ERC2: variants seen among roughly 807,000 people sequenced by gnomAD.
ERC2 encodes ERC protein 2.
In ERC2, 42 loss-of-function variants were observed where a neutral mutation model predicts 114.8. That is an observed-to-expected ratio of 0.37 (90% confidence interval 0.29 to 0.47). The LOEUF is 0.47. Ranked by LOEUF, ERC2 falls within the 20% of genes least tolerant of loss-of-function variation. The pLI is 0.99. For synonymous variants in ERC2, 454 were observed against 425.5 expected (o/e 1.07, Z -0.82); for missense variants, 939 against 1,150.7 (o/e 0.82, Z 2.66).
chr3:56,295,719 A>G (rs1653928265), intron 3 of ERC2, among the ~76,000 whole-genome samples: 1 of 152,182 alleles, frequency 6.6e-6, no homozygotes, highest in African/African-American at 2.4e-5. Flanking sequence ...TACCTAAAAG[A>G]CTCTGAAACC....
intron 2 of ERC2, among the ~76,000 whole-genome samples, chr3:56,304,238 A>G (rs2056078956): frequency 6.6e-6 from 1 of 152,230 alleles, no homozygotes; most frequent in Non-Finnish European, 1.5e-5. Context: ...TGCTTCTTTG[A>G]AATGACTAAT....
At chr3:56,327,951 G>C (rs1445147259) in intron 2 of ERC2, among the ~76,000 whole-genome samples, 1 of 152,178 alleles carries the variant, frequency 6.6e-6, no homozygotes, top group African/African-American at 2.4e-5. Flanking sequence ...AATGAAGGCT[G>C]GTTTGAACTG....
intron 14 of ERC2, among the ~76,000 whole-genome samples, chr3:55,792,591 T>C (rs1354397627): frequency 2.0e-5 from 3 of 152,196 alleles, no homozygotes. Context: ...GTCTATGGAA[T>C]GTAGCAATGA....
chr3:56,403,769 C>T (rs1460061094), intron 2 of ERC2, among the ~76,000 whole-genome samples: 1 of 152,228 alleles, frequency 6.6e-6, no homozygotes, highest in African/African-American at 2.4e-5. Context: ...ACTAAACATC[C>T]TCAGCCTGTC....
chr3:55,997,661 G>A (rs1274466321), intron 10 of ERC2, among the ~76,000 whole-genome samples: 1 of 149,850 alleles, frequency 6.7e-6, no homozygotes, highest in Non-Finnish European at 1.5e-5. Context: ...CCTGCATAGT[G>A]TTTCTAATAA....
intron 6 of ERC2, among the ~76,000 whole-genome samples, chr3:56,127,727 GAAAA>G (rs202062338): frequency 1.2e-5 from 1 of 81,448 alleles, no homozygotes; most frequent in Non-Finnish European, 2.8e-5. Context: ...TGTCTCAAAA[GAAAA>G]AAAAAAAAAA....
chr3:55,733,034 T>C (rs1163185312), intron 15 of ERC2, among the ~76,000 whole-genome samples: 2 of 152,170 alleles, frequency 1.3e-5, no homozygotes, highest in East Asian at 1.9e-4. Context: ...CCAGTGGTAC[T>C]TGGCCGTAAT....
intron 14 of ERC2, among the ~76,000 whole-genome samples, chr3:55,740,810 C>T (rs1229120144): frequency 6.6e-6 from 1 of 152,074 alleles, no homozygotes; most frequent in African/African-American, 2.4e-5. Context: ...TAGAATTTAG[C>T]TAAGACAGGT....
At chr3:55,615,762 T>C (rs1159032697) in intron 17 of ERC2, among the ~76,000 whole-genome samples, 1 of 152,196 alleles carries the variant, frequency 6.6e-6, no homozygotes, top group African/African-American at 2.4e-5. Flanking sequence ...TAAGTTTCCA[T>C]GTCTTTACGA....
intron 14 of ERC2, among the ~76,000 whole-genome samples, chr3:55,777,939 T>A (rs930422017): frequency 6.6e-6 from 1 of 152,216 alleles, no homozygotes; most frequent in Non-Finnish European, 1.5e-5. Flanking sequence ...TTTTTTATTT[T>A]CTAAAGAGAA....
At chr3:56,383,549 G>A (rs192532261) in intron 2 of ERC2, among the ~76,000 whole-genome samples, 5 of 152,128 alleles carry the variant, frequency 3.3e-5, no homozygotes, top group South Asian at 2.1e-4. Context: ...GCACATAGTG[G>A]ATACTCAACA....
At chr3:56,399,013 T>G (rs1218933395) in intron 2 of ERC2, among the ~76,000 whole-genome samples, 1 of 152,194 alleles carries the variant, frequency 6.6e-6, no homozygotes, top group Non-Finnish European at 1.5e-5. Context: ...GTTCTTCCTC[T>G]GTACAAGATG....
intron 7 of ERC2, among the ~76,000 whole-genome samples, chr3:56,037,788 A>C (rs2074899818): frequency 6.6e-6 from 1 of 152,198 alleles, no homozygotes; most frequent in African/African-American, 2.4e-5. Flanking sequence ...AAAAATGTTA[A>C]GGGCAGCCAG....
At chr3:56,265,046 G>C (rs2053201471) in intron 3 of ERC2, among the ~76,000 whole-genome samples, 1 of 152,084 alleles carries the variant, frequency 6.6e-6, no homozygotes, top group Non-Finnish European at 1.5e-5. Flanking sequence ...CAGTCTACAG[G>C]TTCAACATAA....
At chr3:56,007,133 A>C in intron 10 of ERC2, 48 bp downstream of exon 10, 2 of 1,498,110 alleles carry the variant, frequency 1.3e-6, no homozygotes, top group Non-Finnish European at 1.8e-6. Flanking sequence ...TCCATTTTAT[A>C]AATTCATTTT....
intron 7 of ERC2, among the ~76,000 whole-genome samples, chr3:56,068,550 T>C (rs1008197838): frequency 6.6e-6 from 1 of 152,182 alleles, no homozygotes; most frequent in Non-Finnish European, 1.5e-5. Flanking sequence ...CTCCATCAGT[T>C]CTGCTCTGAT....
At chr3:55,571,623 G>A (rs931824433) in intron 17 of ERC2, among the ~76,000 whole-genome samples, 10 of 152,114 alleles carry the variant, frequency 6.6e-5, no homozygotes, top group Admixed American at 1.3e-4. Flanking sequence ...TCTTGCCCAC[G>A]TTTTCCCCTG....
At position 56,134,924 on chromosome 3, in the gene ERC2, T is replaced by TG. The variant is rs1553845860; in HGVS notation, c.1473+4584_1473+4585insC. Among the ~76,000 whole-genome samples the TG allele has an allele frequency of 2.7e-4, 40 of 149,126 alleles. 1 individual carries two copies. The highest frequency in any genetic ancestry group is 2.3e-3 in the East Asian group (12 of 5,142). On this transcript the variant is annotated intron_variant, in intron 6 of 17. Transcript: ENST00000288221. ...TAAATCTCTCTCTTTTTTTTTGTTTTTTTTTGTTTTTGTTTTTGTTTTTGT... is the reference window on the plus strand; with the variant it reads ...TAAATCTCTCTCTTTTTTTTTGTTTTGTTTTTGTTTTTGTTTTTGTTTTTGT...
intron 14 of ERC2, among the ~76,000 whole-genome samples, chr3:55,887,699 G>A (rs2063412701): frequency 1.3e-5 from 2 of 152,202 alleles, no homozygotes; most frequent in South Asian, 4.1e-4. Flanking sequence ...AAACAAGAGT[G>A]AGGTGTAGGT....
Sources: gnomAD v4.1 joint callset for allele counts (sites outside exome capture counted in the v4.1 genomes callset) on GRCh38, gnomAD v4.1.1 for gene constraint, MANE v1.5 for transcripts, NCBI Gene and HGNC (gene_info 2026-07-23, HGNC 2026-07-21) for gene names.